Variants in HPSE2 observed in about 807,000 individuals in gnomAD.
HPSE2 encodes inactive heparanase-2.
HPSE2 carries 38 observed loss-of-function variants against 60.5 expected under a neutral mutation model. That is an observed-to-expected ratio of 0.63 (90% confidence interval 0.48 to 0.82). The LOEUF (loss-of-function observed/expected upper bound fraction) is 0.82, where lower values mean the gene tolerates loss of function less well. Ranked by LOEUF, HPSE2 falls within the 40% of genes least tolerant of loss-of-function variation. HPSE2 has a pLI of 0.00. For missense variants in HPSE2, 713 were observed against 740.4 expected (o/e 0.96, Z 0.43); for synonymous variants, 295 against 293.2 (o/e 1.01, Z -0.06).
intron 3 of HPSE2, among the ~76,000 whole-genome samples, chr10:98,753,145 T>C (rs1246668050): frequency 2.0e-5 from 3 of 152,122 alleles, no homozygotes; most frequent in Non-Finnish European, 4.4e-5. Context: ...ACAAGGCAAC[T>C]ATAGGTAATG....
rs149109938 is a variant in HPSE2 at position 98,511,670 on chromosome 10, G to A, written c.1321-21474C>T. ...TGGAAGGAAGTTTCTTGAGATCAGG[G>A]CCTGTATCTTTGCATTCCCAGTGCC... On this transcript the variant is annotated intron_variant, in intron 9 of 11. Transcript: ENST00000370552. Among the ~76,000 whole-genome samples the A allele has an allele frequency of 2.7e-3, 406 of 151,382 alleles. 2 individuals are homozygous for A. Among genetic ancestry groups the A allele is most frequent in the African/African-American group, 9.3e-3 (386 of 41,324 alleles).
At chr10:99,253,093 A>G in the HPSE2 span, among the ~76,000 whole-genome samples, 2 of 152,196 alleles carry the variant, frequency 1.3e-5, no homozygotes, top group Non-Finnish European at 2.9e-5. Context: ...TTCCTATCAA[A>G]CTACCAATGT....
intron 9 of HPSE2, among the ~76,000 whole-genome samples, chr10:98,531,447 G>A (rs1373442341): frequency 6.6e-6 from 1 of 152,178 alleles, no homozygotes; most frequent in African/African-American, 2.4e-5. Flanking sequence ...ACATCCAAGG[G>A]TGTCTTCCAG....
At position 99,009,858 on chromosome 10, in the gene HPSE2, C is replaced by T. The variant is rs965816019; in HGVS notation, c.610+134380G>A. Among the ~76,000 whole-genome samples, 4 of 152,184 alleles carry T rather than the reference C, an allele frequency of 2.6e-5. No individual in the cohort carries two copies. The East Asian group carries it at 7.7e-4, about 29-fold the overall frequency. The stretch of plus-strand genomic sequence containing the variant: ...AGCAACTACCATTAATTATCAACAT[C>T]ATTTCATAACTTCAATAACAAAAAC... On this transcript the variant is annotated intron_variant, in intron 3 of 11. Transcript: ENST00000370552.
chr10:99,060,131 A>G (rs1458883563), intron 3 of HPSE2, among the ~76,000 whole-genome samples: 3 of 152,138 alleles, frequency 2.0e-5, no homozygotes, highest in African/African-American at 7.2e-5. Flanking sequence ...AAAATATAGT[A>G]AAATATGGGA....
intron 9 of HPSE2, among the ~76,000 whole-genome samples, chr10:98,503,565 G>A (rs6584211): frequency 0.88 from 133,573 of 152,188 alleles, 61,125 homozygotes; most frequent in East Asian, 1. Context: ...ACTTGCACAC[G>A]CATGTTTATA....
intron 9 of HPSE2, among the ~76,000 whole-genome samples, chr10:98,532,689 T>C (rs1237093646): frequency 9.9e-5 from 15 of 152,216 alleles, no homozygotes; most frequent in Admixed American, 9.8e-4. Context: ...TGCACTTTCT[T>C]TTCTGTAAAA....
the HPSE2 span, among the ~76,000 whole-genome samples, chr10:99,277,274 T>C: frequency 6.6e-6 from 1 of 152,234 alleles, no homozygotes; most frequent in Non-Finnish European, 1.5e-5. Context: ...TTAAAAACCA[T>C]AGATAATCTC....
chr10:98,810,753 G>A (rs1234760492), intron 3 of HPSE2, among the ~76,000 whole-genome samples: 1 of 151,006 alleles, frequency 6.6e-6, no homozygotes, highest in Non-Finnish European at 1.5e-5. Flanking sequence ...GACAGTTGAT[G>A]AACTAAAAAA....
At chr10:99,235,465 G>A (rs1215638018) in intron 1 of HPSE2, 48 bp downstream of exon 1, 4 of 1,540,252 alleles carry the variant, frequency 2.6e-6, no homozygotes, top group Non-Finnish European at 3.6e-6. Flanking sequence ...GGGCTTGAGG[G>A]GGTGTTACTA....
At chr10:98,493,770 G>T (rs1418487664) in intron 9 of HPSE2, among the ~76,000 whole-genome samples, 1 of 152,144 alleles carries the variant, frequency 6.6e-6, no homozygotes, top group Admixed American at 6.5e-5. Context: ...TTTGACTGGA[G>T]AGTTTAATCA....
intron 3 of HPSE2, among the ~76,000 whole-genome samples, chr10:98,969,712 T>C (rs1336035657): frequency 6.6e-6 from 1 of 152,318 alleles, no homozygotes; most frequent in East Asian, 1.9e-4. Context: ...GTTTGTACTA[T>C]AGTGACCTAA....
At chr10:99,151,189 T>C (rs1255343778) in intron 2 of HPSE2, among the ~76,000 whole-genome samples, 5 of 151,484 alleles carry the variant, frequency 3.3e-5, no homozygotes, top group Non-Finnish European at 5.9e-5. Flanking sequence ...ATGGTATAGA[T>C]TGGCTATAAC....
intron 3 of HPSE2, among the ~76,000 whole-genome samples, chr10:98,944,876 G>T (rs969217915): frequency 1.3e-5 from 2 of 152,052 alleles, no homozygotes; most frequent in Non-Finnish European, 1.5e-5. Context: ...GAAAGAAAGG[G>T]TACTTGAAAG....
intron 6 of HPSE2, among the ~76,000 whole-genome samples, chr10:98,692,924 G>C (rs1948117428): frequency 6.6e-6 from 1 of 152,196 alleles, no homozygotes; most frequent in African/African-American, 2.4e-5. Context: ...CTTTAGGTGG[G>C]GAACTTTTCT....
intron 3 of HPSE2, among the ~76,000 whole-genome samples, chr10:98,872,625 G>T (rs890057458): frequency 6.6e-6 from 1 of 151,996 alleles, no homozygotes; most frequent in Non-Finnish European, 1.5e-5. Flanking sequence ...AATTAAATTT[G>T]CCCCCTATCA....
Position 99,232,382 on chromosome 10 carries a change from C to T in HPSE2, c.414G>A (p.Pro138=), listed in dbSNP as rs368698955. 4.5e-6 allele frequency: 7 copies of T among 1,551,400 alleles called. No individual in the cohort carries two copies. Among genetic ancestry groups the T allele is most frequent in the African/African-American group, 1.4e-5 (1 of 73,046 alleles). The change falls in exon 2 of 12, where the codon CCG becomes CCA. Residue 138 remains proline, a synonymous_variant. Transcript: ENST00000370552. ...AGTTTTTGAGATAGTAATCCGGGCC[C>T]GGGCCCCCGCGGCTTTTCGCCGGGT... ...LRNPAKSRGG[P]GPDYYLKNYE...
chr10:99,245,935 T>C, the HPSE2 span, among the ~76,000 whole-genome samples: 1 of 152,154 alleles, frequency 6.6e-6, no homozygotes, highest in African/African-American at 2.4e-5. Flanking sequence ...TTAGAAGCAA[T>C]GAACTAAATG....
intron 2 of HPSE2, among the ~76,000 whole-genome samples, chr10:99,176,437 T>A (rs1233695080): frequency 1.3e-5 from 2 of 152,028 alleles, no homozygotes; most frequent in African/African-American, 4.8e-5. Context: ...AATGACCTGG[T>A]GGAGCTGAAA....
Sources: allele counts gnomAD v4.1 joint callset (sites outside exome capture counted in the v4.1 genomes callset), GRCh38; gene constraint gnomAD v4.1.1; transcripts MANE v1.5; gene names NCBI Gene and HGNC (gene_info 2026-07-23, HGNC 2026-07-21).